The following DSCAML1 variants were observed in gnomAD, a reference collection of about 807,000 sequenced individuals.
DSCAML1 encodes the protein DS cell adhesion molecule like 1, also known as cell adhesion molecule DSCAML1.
A neutral mutation model predicts 200.5 loss-of-function variants in DSCAML1; 38 were observed. The observed-to-expected ratio is 0.19, with a 90% CI of 0.15 to 0.25. The LOEUF (loss-of-function observed/expected upper bound fraction) is 0.25, where lower values mean the gene tolerates loss of function less well. Ranked by LOEUF, DSCAML1 falls within the 10% of genes least tolerant of loss-of-function variation. DSCAML1 has a pLI of 1.00. For missense variants in DSCAML1, 2,223 were observed against 2,858.8 expected, an observed-to-expected ratio of 0.78 and a Z score of 5.07; for synonymous variants, 1,215 against 1,165.0, an observed-to-expected ratio of 1.04 and a Z score of -0.87.
upstream of DSCAML1, among the ~76,000 whole-genome samples, chr11:117,799,505 A>G (rs1041938381): frequency 1.8e-4 from 27 of 152,320 alleles, no homozygotes; most frequent in African/African-American, 6.3e-4. Flanking sequence ...TGTTACCCGA[A>G]GGGCGAGGTC....
intron 3 of DSCAML1, among the ~76,000 whole-genome samples, chr11:117,596,442 G>T (rs937572431): frequency 7.1e-6 from 1 of 141,384 alleles, no homozygotes; most frequent in African/African-American, 2.5e-5. Context: ...ACACATATGT[G>T]TCCGGTTGAG....
chr11:117,731,980 A>ATCTTCC (rs1366847505), intron 3 of DSCAML1, among the ~76,000 whole-genome samples: 1 of 152,164 alleles, frequency 6.6e-6, no homozygotes, highest in Non-Finnish European at 1.5e-5. Context: ...GGGTGATGTC[A>ATCTTCC]TCTTCCTCTT....
intron 3 of DSCAML1, among the ~76,000 whole-genome samples, chr11:117,544,116 T>C (rs2050325516): frequency 6.6e-6 from 1 of 152,138 alleles, no homozygotes; most frequent in South Asian, 2.1e-4. Context: ...AAAATCGTTG[T>C]CTCTCTTGGA....
chr11:117,447,728 C>T (rs750933850), intron 20 of DSCAML1, among the ~76,000 whole-genome samples: 12 of 152,112 alleles, frequency 7.9e-5, no homozygotes, highest in Admixed American at 2.6e-4. Flanking sequence ...ATGGTTCATC[C>T]GCTCCCGCCA....
chr11:117,439,736 G>A lies in DSCAML1; in HGVS notation c.3980+83C>T, dbSNP rs563980096. On this transcript the variant is annotated intron_variant, in intron 22 of 32. Transcript: ENST00000651296. The stretch of plus-strand genomic sequence containing the variant: ...GAGGCAACCGGGTCACCAGGCAGGA[G>A]GGCCCCAGACTCTTCTCCACACCGC... The A allele has an allele frequency of 6.0e-6, 8 of 1,328,582 alleles. No homozygotes were observed. In the East Asian group the frequency reaches 1.8e-4, roughly 31 times the overall value. 82.3% of individuals were successfully genotyped at this position (1,328,582 alleles called of 1,614,324 possible).
chr11:117,739,207 T>C (rs2054378104), intron 3 of DSCAML1, among the ~76,000 whole-genome samples: 1 of 152,220 alleles, frequency 6.6e-6, no homozygotes, highest in African/African-American at 2.4e-5. Flanking sequence ...GGGAAGGGAC[T>C]TGACTCCTGG....
At chr11:117,429,601 T>C (rs1215825520) in intron 32 of DSCAML1, among the ~76,000 whole-genome samples, 4 of 152,330 alleles carry the variant, frequency 2.6e-5, no homozygotes, top group Non-Finnish European at 4.4e-5. Context: ...CTGGAACTCC[T>C]GATCTCAGGT....
intron 3 of DSCAML1, among the ~76,000 whole-genome samples, chr11:117,636,579 G>A (rs948622737): frequency 2.0e-5 from 3 of 152,142 alleles, no homozygotes; most frequent in Non-Finnish European, 4.4e-5. Flanking sequence ...AGGAGAGGGG[G>A]AAGGGAGGGA....
chr11:117,566,356 CTTT>C (rs367644615), intron 3 of DSCAML1, among the ~76,000 whole-genome samples: 2 of 120,356 alleles, frequency 1.7e-5, no homozygotes, highest in Non-Finnish European at 3.8e-5. Context: ...CTCTCTCTCT[CTTT>C]TTTTTTTTTC....
At chr11:117,446,876 A>G (rs2048189474) in intron 20 of DSCAML1, among the ~76,000 whole-genome samples, 1 of 152,210 alleles carries the variant, frequency 6.6e-6, no homozygotes, top group Non-Finnish European at 1.5e-5. Flanking sequence ...GTGCATAAAG[A>G]TTTCTGTGAA....
chr11:117,535,616 T>C (rs2050154495), intron 3 of DSCAML1, among the ~76,000 whole-genome samples: 1 of 152,188 alleles, frequency 6.6e-6, no homozygotes, highest in Non-Finnish European at 1.5e-5. Context: ...TGCCGTTTTG[T>C]CTCCATGTTG....
chr11:117,474,650 G>A (rs1261765284), intron 14 of DSCAML1, among the ~76,000 whole-genome samples: 1 of 151,880 alleles, frequency 6.6e-6, no homozygotes, highest in Non-Finnish European at 1.5e-5. Context: ...GCAACTTCCT[G>A]GGTTCTATCT....
At chr11:117,588,436 G>C (rs2051192566) in intron 3 of DSCAML1, among the ~76,000 whole-genome samples, 1 of 152,184 alleles carries the variant, frequency 6.6e-6, no homozygotes, top group Admixed American at 6.5e-5. Context: ...ATTAACCAGG[G>C]ATAACACGGG....
chr11:117,797,294 C>A (rs913257223), upstream of DSCAML1: 41 of 1,323,798 alleles, frequency 3.1e-5, no homozygotes, highest in Middle Eastern at 2.8e-4. Flanking sequence ...CTCTCCCCGC[C>A]CCCCCGCGGC....
chr11:117,552,936 G>A (rs1277107736), intron 3 of DSCAML1, among the ~76,000 whole-genome samples: 1 of 152,152 alleles, frequency 6.6e-6, no homozygotes, highest in South Asian at 2.1e-4. Flanking sequence ...AGGCTGGCCC[G>A]GGGAAGTGCG....
intron 3 of DSCAML1, among the ~76,000 whole-genome samples, chr11:117,764,974 C>T (rs896778970): frequency 1.3e-5 from 2 of 152,238 alleles, no homozygotes; most frequent in Non-Finnish European, 1.5e-5. Flanking sequence ...TGGCCACCCA[C>T]TTCGACAGGC....
chr11:117,793,336 ACTC>A (rs1465031162), intron 1 of DSCAML1, among the ~76,000 whole-genome samples: 2 of 151,504 alleles, frequency 1.3e-5, no homozygotes, highest in African/African-American at 2.4e-5. Flanking sequence ...CCAGAAAACA[ACTC>A]CTCCAAGATC....
In DSCAML1 at chr11:117,503,936, G is replaced by A. The variant is rs765309300; in HGVS notation, c.2268C>T (p.His756=). The A allele has an allele frequency of 4.0e-5, 64 of 1,614,084 alleles. No homozygotes were observed. The highest frequency in any genetic ancestry group is 5.3e-5 in the Non-Finnish European group (62 of 1,180,038). The stretch of plus-strand genomic sequence containing the variant: ...AGTAGCCGATGTCCTCTTCTAGGAC[G>A]TGGCGGATCAGCAGCGAGCTGTTGG... ...ILPNSSLLIR[H]VLEEDIGYYL... is the part of the protein sequence containing the mutation. The change falls in exon 11 of 33, where the codon CAC becomes CAT. Residue 756 remains histidine, a synonymous_variant. Transcript: ENST00000651296. This position sits in a 1 kb window ranked among gnomAD's most constrained non-coding sequence, Gnocchi z 5.2.
At chr11:117,442,173 A>G (rs2048069593) in intron 21 of DSCAML1, among the ~76,000 whole-genome samples, 1 of 148,772 alleles carries the variant, frequency 6.7e-6, no homozygotes, top group Non-Finnish European at 1.5e-5. Context: ...ATATGCATGT[A>G]GTGTGTATAG....
Sources: gnomAD v4.1 joint callset for allele counts (sites outside exome capture counted in the v4.1 genomes callset) on GRCh38, gnomAD v4.1.1 for gene constraint, Gnocchi (gnomAD v3.1) non-coding constraint, MANE v1.5 for transcripts, NCBI Gene and HGNC (gene_info 2026-07-23, HGNC 2026-07-21) for gene names.